Variants in WWC2 observed in about 807,000 individuals in gnomAD.
The protein encoded by WWC2 is protein WWC2.
Under a neutral mutation model 138.5 loss-of-function variants are expected in WWC2, and 101 were observed. The ratio of observed to expected loss-of-function variants is 0.73; its 90% CI spans 0.62 to 0.86. WWC2 has a LOEUF of 0.86. Ranked by LOEUF, WWC2 falls within the 40% of genes least tolerant of loss-of-function variation. The pLI, the probability that WWC2 is intolerant of heterozygous loss-of-function variation, is 0.00. For synonymous variants in WWC2, 558 were observed against 538.4 expected (o/e 1.04, Z -0.50); for missense variants, 1,420 against 1,419.4 (o/e 1.00, Z -0.01).
chr4:183,199,507 C>T (rs1365671268), intron 2 of WWC2, among the ~76,000 whole-genome samples: 3 of 152,018 alleles, frequency 2.0e-5, no homozygotes, highest in South Asian at 2.1e-4. Flanking sequence ...GGATCATGCC[C>T]GATTATCTTA....
chr4:183,222,826 T>C (rs1399746981), intron 4 of WWC2, among the ~76,000 whole-genome samples: 2 of 152,072 alleles, frequency 1.3e-5, no homozygotes, highest in Non-Finnish European at 2.9e-5. Context: ...TAGTCGCATG[T>C]GGTGGTGCAC....
chr4:183,300,685 A>C (rs116376090), intron 21 of WWC2, among the ~76,000 whole-genome samples: 1 of 152,198 alleles, frequency 6.6e-6, no homozygotes, highest in African/African-American at 2.4e-5. Flanking sequence ...AGACAAATAC[A>C]GTCTTCAGTA....
At chr4:183,223,717 A>T in intron 4 of WWC2, among the ~76,000 whole-genome samples, 1 of 151,454 alleles carries the variant, frequency 6.6e-6, no homozygotes, top group East Asian at 1.9e-4. Context: ...TTTATTTTTT[A>T]TTTATTGTCT....
intron 16 of WWC2, among the ~76,000 whole-genome samples, chr4:183,271,962 T>G (rs1005921474): frequency 6.6e-6 from 1 of 152,086 alleles, no homozygotes; most frequent in South Asian, 2.1e-4. Context: ...GCCATGATCA[T>G]GCCACTGCAC....
rs766248202 is a variant in WWC2 at position 183,265,878 on chromosome 4, A to G, written c.2134A>G (p.Ser712Gly). 9 of 1,613,024 alleles carry G rather than the reference A, an allele frequency of 5.6e-6. No individual in the cohort carries two copies. The African/African-American group carries it at 9.3e-5, about 17-fold the overall frequency. The change falls in exon 14 of 23, where the codon AGT becomes GGT. Residue 712 changes from serine to glycine, a missense_variant. Coordinates refer to ENST00000403733, the MANE Select transcript of WWC2 (RefSeq NM_024949.6). ...CTCTTTTGACAGATACAATGCAAAA[A>G]GTTCAAGTTTCATGGTGATTATAGC... Reference protein sequence around the residue: ...VQIGLRYNAKSSSFMVIIAQL... With the variant: ...VQIGLRYNAKGSSFMVIIAQL...
chr4:183,114,716 G>A (rs1008007743), intron 1 of WWC2, among the ~76,000 whole-genome samples: 12 of 151,378 alleles, frequency 7.9e-5, no homozygotes, highest in African/African-American at 2.7e-4. Flanking sequence ...GAGTACACAC[G>A]TGGATTTGTT....
At chr4:183,245,054 C>G (rs1736728385) in intron 5 of WWC2, among the ~76,000 whole-genome samples, 1 of 151,872 alleles carries the variant, frequency 6.6e-6, no homozygotes, top group African/African-American at 2.4e-5. Flanking sequence ...TGGTGAAACC[C>G]CGTCTTTACC....
chr4:183,286,031 C>T lies in WWC2; in HGVS notation c.3113C>T (p.Thr1038Ile), dbSNP rs748269107. 1.3e-6 allele frequency: 2 copies of T among 1,587,354 alleles called. No homozygotes were observed. Among genetic ancestry groups the T allele is most frequent in the Non-Finnish European group, 1.7e-6 (2 of 1,165,492 alleles). The change falls in exon 20 of 23, where the codon ACC becomes ATC. Residue 1038 changes from threonine (T) to isoleucine (I), a missense_variant. Transcript: ENST00000403733. ...AAATCACTGTTTGTGAGAAACTCCACCGAACGCCGCAGTTTGAGGGTCAAA... is the reference window on the plus strand; with the variant it reads ...AAATCACTGTTTGTGAGAAACTCCATCGAACGCCGCAGTTTGAGGGTCAAA... ...AKKSLFVRNSTERRSLRVKRT... is the reference protein window; with the variant it reads ...AKKSLFVRNSIERRSLRVKRT...
Position 183,099,597 on chromosome 4 carries a change from AC to A in WWC2, c.108del (p.Ser37AlafsTer9). 1.4e-6 allele frequency: 2 copies of A among 1,382,650 alleles called. No individual in the cohort carries two copies. The highest frequency in any genetic ancestry group is 9.5e-7 in the Non-Finnish European group (1 of 1,050,262). The allele number at this position is 1,382,650 out of a possible 1,614,324, so 85.6% of individuals were successfully genotyped here. A position where few individuals can be genotyped will look rare whatever the true frequency, so the allele number is the denominator to read the frequency against. ...VFYIDHNTRRTSWIDPRDRLT... is the reference protein window; with the variant it reads ...VFYIDHNTRRXSWIDPRDRLT... ...CTACATTGACCACAACACCAGGAGG[AC>A]CAGCTGGATCGACCCCCGGGACAGG... is the stretch of plus-strand genomic sequence containing the variant. On this transcript the variant is annotated frameshift_variant, in exon 1 of 23. Coordinates refer to ENST00000403733, the MANE Select transcript of WWC2 (RefSeq NM_024949.6). LOFTEE classifies it high-confidence loss of function.
Position 183,319,572 on chromosome 4 carries a change from G to A in WWC2, c.*3843G>A, listed in dbSNP as rs371522285. 13 of 1,612,166 alleles carry A rather than the reference G, an allele frequency of 8.1e-6. No homozygotes were observed. The highest frequency in any genetic ancestry group is 1.1e-5 in the Non-Finnish European group (13 of 1,179,034). On this transcript the variant is annotated 3_prime_UTR_variant, in exon 23 of 23. Coordinates refer to ENST00000403733, the MANE Select transcript of WWC2 (RefSeq NM_024949.6). Reference sequence around the variant, plus strand: ...CTTTCTGGCTTAGTGTTTCAGGTTGGTGTTTCTCGTCTCCAGTTCTTGATG... The same window carrying A: ...CTTTCTGGCTTAGTGTTTCAGGTTGATGTTTCTCGTCTCCAGTTCTTGATG...
chr4:183,138,213 C>T (rs1442514196), intron 1 of WWC2, among the ~76,000 whole-genome samples: 2 of 152,158 alleles, frequency 1.3e-5, no homozygotes, highest in South Asian at 2.1e-4. Flanking sequence ...AACCTTTGGG[C>T]TGGAGTTTCG....
intron 11 of WWC2, 59 bp downstream of exon 11, chr4:183,261,591 G>C: frequency 6.7e-7 from 1 of 1,498,014 alleles, no homozygotes; most frequent in Non-Finnish European, 8.9e-7. Flanking sequence ...GAGAATGATT[G>C]GAGCATTATT....
At chr4:183,283,055 C>A (rs761585418) in intron 18 of WWC2, 149 bp downstream of exon 18, 100 of 717,410 alleles carry the variant, frequency 1.4e-4, no homozygotes, top group Non-Finnish European at 1.9e-4. Flanking sequence ...GGAATAGGCT[C>A]TAAGAAGCAT....
At chr4:183,257,173 T>C (rs1737179087) in intron 9 of WWC2, among the ~76,000 whole-genome samples, 1 of 152,136 alleles carries the variant, frequency 6.6e-6, no homozygotes, top group Admixed American at 6.5e-5. Flanking sequence ...TTATCACAAG[T>C]GTTGGGGGTT....
At chr4:183,277,765 T>C (rs1737910052) in intron 16 of WWC2, among the ~76,000 whole-genome samples, 1 of 148,970 alleles carries the variant, frequency 6.7e-6, no homozygotes, top group Non-Finnish European at 1.5e-5. Context: ...GTTTTTTGGC[T>C]GCATAAATGT....
rs190674463 is a variant in WWC2 at position 183,185,056 on chromosome 4, G to C, written c.132-8543G>C. Among the ~76,000 whole-genome samples the C allele has an allele frequency of 6.6e-4, 101 of 152,086 alleles. 1 individual carries two copies. Among genetic ancestry groups the C allele is most frequent in the African/African-American group, 2.3e-3 (97 of 41,372 alleles). The stretch of plus-strand genomic sequence containing the variant: ...ACGTCTTTTAAACAATAGCACTCAA[G>C]GTGAACTTCTGGTCCCTGAAGTTTA... On this transcript the variant is annotated intron_variant, in intron 1 of 22. Coordinates refer to ENST00000403733, the MANE Select transcript of WWC2 (RefSeq NM_024949.6).
At chr4:183,235,365 T>A (rs990109345) in intron 4 of WWC2, among the ~76,000 whole-genome samples, 1 of 152,172 alleles carries the variant, frequency 6.6e-6, no homozygotes, top group African/African-American at 2.4e-5. Context: ...TAATAACACT[T>A]AACATGAGAT....
chr4:183,180,861 C>T (rs1011573384), intron 1 of WWC2, among the ~76,000 whole-genome samples: 1 of 151,858 alleles, frequency 6.6e-6, no homozygotes, highest in African/African-American at 2.4e-5. Context: ...AAAAAACTTA[C>T]GTGAACTACA....
chr4:183,249,278 A>G (rs912665749), intron 7 of WWC2, among the ~76,000 whole-genome samples: 7 of 152,236 alleles, frequency 4.6e-5, no homozygotes, highest in African/African-American at 1.7e-4. Flanking sequence ...TGATTATATT[A>G]AAATGTTTAA....
Sources: allele counts gnomAD v4.1 joint callset (sites outside exome capture counted in the v4.1 genomes callset), GRCh38; gene constraint gnomAD v4.1.1; transcripts MANE v1.5; gene names NCBI Gene and HGNC (gene_info 2026-07-23, HGNC 2026-07-21).